Variants in CTBP2 observed in about 807,000 individuals in gnomAD.
CTBP2 encodes the protein C-terminal binding protein 2.
A neutral mutation model predicts 80.3 loss-of-function variants in CTBP2; 30 were observed. The observed-to-expected ratio is 0.37, with a 90% confidence interval of 0.28 to 0.51. The LOEUF (loss-of-function observed/expected upper bound fraction) is 0.51, where lower values mean the gene tolerates loss of function less well. Among genes scored for constraint, CTBP2 ranks in the 20% least tolerant of loss-of-function variants. The pLI is 0.93. For missense variants in CTBP2, 1,212 were observed against 1,375.3 expected (o/e 0.88, Z 1.88); for synonymous variants, 594 against 587.4 (o/e 1.01, Z -0.16).
At chr10:125,075,331 G>A (rs958841757) in intron 2 of CTBP2, among the ~76,000 whole-genome samples, 3 of 152,090 alleles carry the variant, frequency 2.0e-5, no homozygotes, top group Non-Finnish European at 4.4e-5. Flanking sequence ...GCGTTAATGA[G>A]GTGATTAGGC....
intron 8 of CTBP2, among the ~76,000 whole-genome samples, chr10:124,991,424 C>T (rs1952597803): frequency 6.6e-6 from 1 of 152,144 alleles, no homozygotes; most frequent in South Asian, 2.1e-4. Context: ...CCAGCTCCAC[C>T]CAACAGGGGA....
intron 1 of CTBP2, among the ~76,000 whole-genome samples, chr10:125,134,805 T>C (rs1218512012): frequency 5.7e-5 from 2 of 35,158 alleles, no homozygotes; most frequent in Non-Finnish European, 2.1e-4. Flanking sequence ...CCCCCAGCCT[T>C]TCCCTCCCAG....
intron 4 of CTBP2, chr10:124,995,971 CAGGGCCTGG>C (rs1250846606): frequency 1.3e-5 from 2 of 152,012 alleles, no homozygotes; most frequent in Non-Finnish European, 2.9e-5. Context: ...TCTGCAGATC[CAGGGCCTGG>C]AGGGCCTGTG....
chr10:124,984,658 G>A lies in CTBP2; in HGVS notation c.*4860C>T. On this transcript the variant is annotated 3_prime_UTR_variant, in exon 9 of 9. Coordinates refer to ENST00000309035, the MANE Select transcript of CTBP2 (RefSeq NM_022802.3). ...AGAGGTCAAAACCATGTGAAAAGTTGATTGCTTTGGCCTTTTCATGAGTTA... is the reference window on the plus strand; with the variant it reads ...AGAGGTCAAAACCATGTGAAAAGTTAATTGCTTTGGCCTTTTCATGAGTTA... 9.9e-7 allele frequency: 1 copy of A among 1,006,874 alleles called. No individual in the cohort carries two copies. The highest frequency in any genetic ancestry group is 1.4e-6 in the Non-Finnish European group (1 of 694,826). The allele number at this position is 1,006,874 out of a possible 1,614,324, so 62.4% of individuals were successfully genotyped here.
chr10:125,100,712 A>C (rs1850484455), intron 2 of CTBP2: 1 of 152,190 alleles, frequency 6.6e-6, no homozygotes, highest in Non-Finnish European at 1.5e-5. Flanking sequence ...AAATTAATAG[A>C]TGCAGAGTTG....
At chr10:124,990,922 G>A (rs765127569) in intron 8 of CTBP2, among the ~76,000 whole-genome samples, 1 of 152,172 alleles carries the variant, frequency 6.6e-6, no homozygotes, top group Non-Finnish European at 1.5e-5. Context: ...CCAGAACTGC[G>A]AGCAAGGCAT....
At chr10:125,030,177 C>A (rs1348205053), upstream of CTBP2, among the ~76,000 whole-genome samples, 1 of 149,528 alleles carries the variant, frequency 6.7e-6, no homozygotes, top group Non-Finnish European at 1.5e-5. Flanking sequence ...CACCACACTC[C>A]AGTCTTTTAG....
At chr10:125,034,288 T>C (rs538175209) in intron 3 of CTBP2, among the ~76,000 whole-genome samples, 24 of 152,362 alleles carry the variant, frequency 1.6e-4, no homozygotes, top group African/African-American at 5.8e-4. Context: ...CACTCTGAGT[T>C]TCTCTTAAAG....
intron 1 of CTBP2, among the ~76,000 whole-genome samples, chr10:125,015,313 G>C (rs986919659): frequency 7.2e-5 from 11 of 152,218 alleles, no homozygotes; most frequent in South Asian, 2.1e-4. Flanking sequence ...TTCTCTTCGA[G>C]TCCTGCACTG....
chr10:125,018,563 A>AC (rs1956744882), intron 1 of CTBP2, among the ~76,000 whole-genome samples: 1 of 81,646 alleles, frequency 1.2e-5, no homozygotes, highest in Non-Finnish European at 2.7e-5. Flanking sequence ...CAACAAACAA[A>AC]CAAACAAACA....
intron 2 of CTBP2, among the ~76,000 whole-genome samples, chr10:125,067,925 T>C (rs972743779): frequency 1.3e-5 from 2 of 152,240 alleles, no homozygotes; most frequent in Admixed American, 6.5e-5. Context: ...GCGGGTCCGA[T>C]GTATACCCTA....
chr10:125,098,736 G>C lies in CTBP2; in HGVS notation c.-102+12254C>G, dbSNP rs77090416. Reference sequence around the variant, plus strand: ...AGAGAGAGAGAGACAGAGAGAGAGAGAGAGAGAGAGAGACAGAGAGAGAGA... The same window carrying C: ...AGAGAGAGAGAGACAGAGAGAGAGACAGAGAGAGAGAGACAGAGAGAGAGA... On this transcript the variant is annotated intron_variant, in intron 2 of 10. Coordinates refer to the CTBP2 transcript ENST00000337195. Among the ~76,000 whole-genome samples the C allele has an allele frequency of 7.7e-3, 944 of 121,904 alleles. 35 individuals carry two copies. Among genetic ancestry groups the C allele is most frequent in the African/African-American group, 0.025 (732 of 28,816 alleles). 80.0% of individuals were successfully genotyped at this position (121,904 alleles called of 152,430 possible).
At chr10:125,029,167 A>C (rs1289638010), upstream of CTBP2, among the ~76,000 whole-genome samples, 1 of 152,134 alleles carries the variant, frequency 6.6e-6, no homozygotes, top group East Asian at 1.9e-4. Flanking sequence ...CCTCACTCAC[A>C]TCTCTCTCAA....
Position 125,058,018 on chromosome 10 carries a change from G to A in CTBP2, c.-101-18863C>T, listed in dbSNP as rs137964687. ...CCATCAACGAGCTGGGTGGCGGGAG[G>A]TGCTTTTTCAGCCTTCTCCTCTAAA... On this transcript the variant is annotated intron_variant, in intron 2 of 10. Coordinates refer to the CTBP2 transcript ENST00000337195. 1.5e-3 allele frequency among the ~76,000 whole-genome samples: 230 copies of A among 152,260 alleles called. 1 individual carries two copies. Among genetic ancestry groups the A allele is most frequent in the African/African-American group, 5.2e-3 (218 of 41,540 alleles).
intron 2 of CTBP2, among the ~76,000 whole-genome samples, chr10:125,056,110 T>A (rs6597874): frequency 0.19 from 28,749 of 151,494 alleles, 3,929 homozygotes; most frequent in African/African-American, 0.39. Context: ...GGTTACAGTG[T>A]GCCGAGATCA....
chr10:125,071,321 G>A (rs1350802965), intron 2 of CTBP2, among the ~76,000 whole-genome samples: 1 of 152,238 alleles, frequency 6.6e-6, no homozygotes, highest in Non-Finnish European at 1.5e-5. Flanking sequence ...GCCAGCCAGG[G>A]ATTCAGGGAT....
rs529964581 is a variant in CTBP2, at chr10:125,131,956, G to A, written c.-205-20863C>T. On this transcript the variant is annotated intron_variant, in intron 1 of 10. Transcript: ENST00000337195. ...GGTGGAAGGGAAGCAGGGCCCTTTG[G>A]TGGACAGCTGGTGGTCTCTGCCATA... is the stretch of plus-strand genomic sequence containing the variant. 5.3e-5 allele frequency among the ~76,000 whole-genome samples: 8 copies of A among 152,300 alleles called. No individual in the cohort carries two copies. In the South Asian group the frequency reaches 1.0e-3, roughly 20 times the overall value.
At chr10:125,110,733 TAGCAGC>T (rs889980718) in intron 2 of CTBP2, among the ~76,000 whole-genome samples, 29 of 152,342 alleles carry the variant, frequency 1.9e-4, no homozygotes, top group Admixed American at 1.9e-3. Context: ...CTTATCTCTA[TAGCAGC>T]AGCAGCAGCA....
intron 8 of CTBP2, among the ~76,000 whole-genome samples, chr10:124,990,233 C>T (rs572322127): frequency 7.9e-5 from 12 of 151,846 alleles, no homozygotes; most frequent in South Asian, 2.1e-4. Flanking sequence ...TTAGTAGAGA[C>T]GGGGTTTCAC....
Sources: allele counts gnomAD v4.1 joint callset (sites outside exome capture counted in the v4.1 genomes callset), GRCh38; gene constraint gnomAD v4.1.1; transcripts MANE v1.5; gene names NCBI Gene and HGNC (gene_info 2026-07-23, HGNC 2026-07-21).